PRR16: variants seen among roughly 807,000 people sequenced by gnomAD.
PRR16 encodes the protein protein Largen.
PRR16 carries 6 observed loss-of-function variants against 18.2 expected under a neutral mutation model. The ratio of observed to expected loss-of-function variants is 0.33; its 90% confidence interval spans 0.18 to 0.65. PRR16 has a LOEUF of 0.65. Ranked by LOEUF, PRR16 falls within the 30% of genes least tolerant of loss-of-function variation. The pLI is 0.74. For synonymous variants in PRR16, 151 were observed against 147.8 expected, an observed-to-expected ratio of 1.02 and a Z score of -0.16; for missense variants, 412 against 376.6, an observed-to-expected ratio of 1.09 and a Z score of -0.78.
Position 120,496,619 on chromosome 5 carries a change from G to A in PRR16, c.159+31974G>A, listed in dbSNP as rs189625104. 2.2e-3 allele frequency among the ~76,000 whole-genome samples: 328 copies of A among 151,468 alleles called. 1 individual carries two copies. Among genetic ancestry groups the A allele is most frequent in the African/African-American group, 7.3e-3 (303 of 41,392 alleles). The stretch of plus-strand genomic sequence containing the variant: ...CTTGTTTTCTTTGTCGATCTTTTTC[G>A]AGATTTGTAAATTTATTTTTTTTTG... On this transcript the variant is annotated intron_variant, in intron 1 of 1. Transcript: ENST00000407149.
the PRR16 span, among the ~76,000 whole-genome samples, chr5:120,698,225 G>C: frequency 6.6e-6 from 1 of 152,000 alleles, no homozygotes; most frequent in African/African-American, 2.4e-5. Context: ...AGATTTTGTG[G>C]TAAGGGGTGA....
rs553084869 is a variant in PRR16, at chr5:120,685,079, C to A, written c.160-875C>A. 7.9e-5 allele frequency among the ~76,000 whole-genome samples: 12 copies of A among 152,326 alleles called. No homozygotes were observed. In the South Asian group the frequency reaches 2.5e-3, roughly 32 times the overall value. On this transcript the variant is annotated intron_variant, in intron 1 of 1. Coordinates refer to ENST00000407149, the MANE Select transcript of PRR16 (RefSeq NM_001300783.2). ...AGGCGAGACAGCTTTTGCTTCTACC[C>A]TCTCTCAGAAGCAAAATATCTTTGC...
intron 1 of PRR16, among the ~76,000 whole-genome samples, chr5:120,648,147 G>A (rs1326156488): frequency 1.3e-5 from 2 of 152,134 alleles, no homozygotes; most frequent in African/African-American, 4.8e-5. Context: ...TTTAGAAAAG[G>A]ATGTTATACG....
chr5:120,493,200 C>T (rs1296134911), intron 1 of PRR16, among the ~76,000 whole-genome samples: 2 of 152,106 alleles, frequency 1.3e-5, no homozygotes, highest in East Asian at 1.9e-4. Flanking sequence ...TCTCTTTTCA[C>T]CACATCTACA....
In PRR16 at chr5:120,657,364, T is replaced by TA. The variant is rs144762581; in HGVS notation, c.160-28589dup. 3.6e-3 allele frequency among the ~76,000 whole-genome samples: 542 copies of TA among 152,028 alleles called. 8 individuals carry two copies. Among genetic ancestry groups the TA allele is most frequent in the Admixed American group, 0.027 (416 of 15,204 alleles). On this transcript the variant is annotated intron_variant, in intron 1 of 1. Transcript: ENST00000407149. ...GCAGTGGTGTGCTTGAGCCAGCTCA[T>TA]AGGGGGCTTGTGAAAGCTAATTATT...
At chr5:120,733,792 A>G in the PRR16 span, among the ~76,000 whole-genome samples, 3 of 152,170 alleles carry the variant, frequency 2.0e-5, no homozygotes, top group Non-Finnish European at 2.9e-5. Context: ...ATTTTTTATC[A>G]ATTGTTTTCT....
In PRR16 at chr5:120,686,237, A is replaced by C. The variant is rs774345917; in HGVS notation, c.443A>C (p.Lys148Thr). Reference sequence around the variant, plus strand: ...GTGGTTCCAACTGCCAATCCTGTAAAAACCAATGGCACCCTTCTACGAAAT... The same window carrying C: ...GTGGTTCCAACTGCCAATCCTGTAACAACCAATGGCACCCTTCTACGAAAT... ...KRVVPTANPV[K>T]TNGTLLRNGG... is the part of the protein sequence containing the mutation. The change falls in exon 2 of 2, where the codon AAA (lysine) becomes ACA (threonine). Residue 148 changes from lysine (K) to threonine (T), a missense_variant. By Grantham distance (78) the Lys-to-Thr change is moderately conservative. Transcript: ENST00000407149. The C allele has an allele frequency of 6.2e-7, 1 of 1,614,098 alleles. No individual in the cohort carries two copies.
intron 1 of PRR16, among the ~76,000 whole-genome samples, chr5:120,519,675 G>A (rs1751109950): frequency 6.6e-6 from 1 of 152,108 alleles, no homozygotes; most frequent in African/African-American, 2.4e-5. Flanking sequence ...CTCTCAGGAA[G>A]CTATTGTATG....
chr5:120,744,003 C>T, the PRR16 span, among the ~76,000 whole-genome samples: 59 of 152,082 alleles, frequency 3.9e-4, no homozygotes, highest in Non-Finnish European at 7.4e-4. Context: ...CTTTTCATCT[C>T]TTTCTGTTGT....
chr5:120,724,527 CATGATTTTAT>C, the PRR16 span, among the ~76,000 whole-genome samples: 1 of 152,068 alleles, frequency 6.6e-6, no homozygotes. Flanking sequence ...ACTGATTTTA[CATGATTTTAT>C]ATTACGATTT....
At chr5:120,748,791 G>C in the PRR16 span, among the ~76,000 whole-genome samples, 1 of 152,056 alleles carries the variant, frequency 6.6e-6, no homozygotes, top group Non-Finnish European at 1.5e-5. Flanking sequence ...CTGAAAGAAG[G>C]CTCATTGTGG....
chr5:120,768,805 G>C, the PRR16 span, among the ~76,000 whole-genome samples: 1 of 151,720 alleles, frequency 6.6e-6, no homozygotes, highest in Non-Finnish European at 1.5e-5. Context: ...CTGAGAATAG[G>C]TTTGACTGAT....
intron 1 of PRR16, among the ~76,000 whole-genome samples, chr5:120,548,412 T>C (rs565243186): frequency 6.6e-5 from 10 of 152,250 alleles, no homozygotes; most frequent in African/African-American, 2.4e-4. Context: ...AGCAAATTTT[T>C]AGAACAATCA....
intron 1 of PRR16, among the ~76,000 whole-genome samples, chr5:120,538,010 T>TCG (rs1183527895): frequency 6.6e-6 from 1 of 151,810 alleles, no homozygotes; most frequent in African/African-American, 2.4e-5. Flanking sequence ...TCTCCTGACC[T>TCG]CGTGATCCGC....
At chr5:120,666,902 A>G (rs1290591858) in intron 1 of PRR16, among the ~76,000 whole-genome samples, 8 of 145,904 alleles carry the variant, frequency 5.5e-5, no homozygotes, top group African/African-American at 2.1e-4. Context: ...TTCATCAAGG[A>G]TATTGGTCTA....
At chr5:120,667,138 C>G (rs1756409748) in intron 1 of PRR16, among the ~76,000 whole-genome samples, 1 of 152,152 alleles carries the variant, frequency 6.6e-6, no homozygotes, top group Non-Finnish European at 1.5e-5. Flanking sequence ...AATTTCCGAT[C>G]CTGTTATTGG....
At chr5:120,644,933 C>T (rs1367099231) in intron 1 of PRR16, among the ~76,000 whole-genome samples, 2 of 152,080 alleles carry the variant, frequency 1.3e-5, no homozygotes, top group African/African-American at 4.8e-5. Flanking sequence ...AAAGATCCAT[C>T]TCTGCAACTA....
At chr5:120,514,333 A>G (rs886561430) in intron 1 of PRR16, among the ~76,000 whole-genome samples, 1 of 152,064 alleles carries the variant, frequency 6.6e-6, no homozygotes, top group East Asian at 1.9e-4. Context: ...GCTTCCTACC[A>G]TCCATATTAA....
rs1757115657 is a variant in PRR16 at position 120,686,211 on chromosome 5, G to A, written c.417G>A (p.Arg139=). Residue 139 remains arginine, a synonymous_variant, in exon 2 of 2, where the codon AGG becomes AGA. Transcript: ENST00000407149. ...CTGTGAAGTGTGAAGACCCCAAAAG[G>A]GTGGTTCCAACTGCCAATCCTGTAA... ...LTPVKCEDPK[R]VVPTANPVKT... is the part of the protein sequence containing the mutation. 2 of 1,614,084 alleles carry A rather than the reference G, an allele frequency of 1.2e-6. No individual in the cohort carries two copies. Among genetic ancestry groups the A allele is most frequent in the East Asian group, 4.5e-5 (2 of 44,864 alleles).
Sources: allele counts gnomAD v4.1 joint callset (sites outside exome capture counted in the v4.1 genomes callset), GRCh38; gene constraint gnomAD v4.1.1; transcripts MANE v1.5; gene names NCBI Gene and HGNC (gene_info 2026-07-23, HGNC 2026-07-21).